Variants in CELSR3 observed in about 807,000 individuals in gnomAD.
The protein encoded by CELSR3 is cadherin EGF LAG seven-pass G-type receptor 3.
Under a neutral mutation model 270.0 loss-of-function variants are expected in CELSR3, and 73 were observed. The observed-to-expected ratio is 0.27, with a 90% CI of 0.22 to 0.33. The LOEUF (loss-of-function observed/expected upper bound fraction) is 0.33. CELSR3 is among the 10% of genes least tolerant of loss of function. The probability of loss-of-function intolerance (pLI) is 1.00; values close to 1 mark genes in which losing one functional copy is unlikely to be tolerated. For missense variants in CELSR3, 3,614 were observed against 4,533.8 expected, an observed-to-expected ratio of 0.80 and a Z score of 5.83; for synonymous variants, 1,780 against 1,905.4, an observed-to-expected ratio of 0.93 and a Z score of 1.71.
In CELSR3 at chr3:48,651,714, G is replaced by A; in HGVS notation, c.5928C>T (p.Tyr1976=). ...AGGCATCCACACAGCCTGGGCCGTA[G>A]TAACCTGCAGATTGGGTCAGAAAGC... is the stretch of plus-strand genomic sequence containing the variant. ...QTFSCTCQPG[Y]YGPGCVDACL... Residue 1976 remains tyrosine, a synonymous_variant, in exon 13 of 35, where the codon TAC becomes TAT. Transcript: ENST00000164024. The surrounding 1 kb of genome is among the most constrained non-coding windows in gnomAD (Gnocchi z 7.4). 2 of 1,544,734 alleles carry A rather than the reference G, an allele frequency of 1.3e-6. No individual in the cohort carries two copies. The highest frequency in any genetic ancestry group is 1.7e-6 in the Non-Finnish European group (2 of 1,149,376).
At chr3:48,648,545 G>C in intron 18 of CELSR3, 84 bp from the exon 19 acceptor site, 1 of 1,418,110 alleles carries the variant, frequency 7.1e-7, no homozygotes, top group Non-Finnish European at 9.4e-7. Flanking sequence ...GTCTGGACAG[G>C]TGCTCAGAGG....
rs573006186 is a variant in CELSR3 at position 48,655,513 on chromosome 3, G to C, written c.4742-119C>G. On this transcript the variant is annotated intron_variant, in intron 4 of 34. Coordinates refer to ENST00000164024, the MANE Select transcript of CELSR3 (RefSeq NM_001407.3). The surrounding 1 kb of genome is among the most constrained non-coding windows in gnomAD (Gnocchi z 5.8). ...ATGCATCAGATCAGTCCCCCCACTGGTGACCACAATGGCTGGCTCAGAGTG... is the reference window on the plus strand; with the variant it reads ...ATGCATCAGATCAGTCCCCCCACTGCTGACCACAATGGCTGGCTCAGAGTG... 1.9e-4 allele frequency: 205 copies of C among 1,055,972 alleles called. 2 individuals carry two copies. In the African/African-American group the frequency reaches 2.8e-3, roughly 14 times the overall value. The allele number at this position is 1,055,972 out of a possible 1,614,324, so 65.4% of individuals were successfully genotyped here. A position where few individuals can be genotyped will look rare whatever the true frequency, so the allele number is the denominator to read the frequency against.
Position 48,653,119 on chromosome 3 carries a change from G to A in CELSR3, c.5517C>T (p.Asp1839=), listed in dbSNP as rs765496565. 3.1e-6 allele frequency: 5 copies of A among 1,613,258 alleles called. No individual in the cohort carries two copies. In the South Asian group the frequency reaches 3.3e-5, roughly 11 times the overall value. ...GSGRASHLLL[D]QVTVSDGRWH... ...ACCGGCCATCACTGACAGTCACCTG[G>A]TCCAGAAGGAGATGGGAAGCACGGC... The change falls in exon 10 of 35, where the codon GAC becomes GAT. Residue 1839 remains aspartate (D), a synonymous_variant. Coordinates refer to ENST00000164024, the MANE Select transcript of CELSR3 (RefSeq NM_001407.3). This position sits in a 1 kb window ranked among gnomAD's most constrained non-coding sequence, Gnocchi z 6.5.
At chr3:48,648,238 G>GGCCCCCCCCACACC in intron 19 of CELSR3, 28 bp downstream of exon 19, 1 of 1,342,630 alleles carries the variant, frequency 7.4e-7, no homozygotes, top group Non-Finnish European at 1.1e-6. Context: ...CCCCTGCTGT[G>GGCCCCCCCCACACC]CCCCGCCCTA....
Position 48,642,535 on chromosome 3 carries a change from CTT to C in CELSR3, c.8556-70_8556-69del, listed in dbSNP as rs2047037447. Reference sequence around the variant, plus strand: ...TGGGGTGCCTTGGAGGCTGGAGTGTCTTTGAGTGCACAGCCAGCTGCGGGTGG... The same window carrying C: ...TGGGGTGCCTTGGAGGCTGGAGTGTCTGAGTGCACAGCCAGCTGCGGGTGG... On this transcript the variant is annotated intron_variant, in intron 30 of 34. Coordinates refer to ENST00000164024, the MANE Select transcript of CELSR3 (RefSeq NM_001407.3). The surrounding 1 kb of genome is among the most constrained non-coding windows in gnomAD (Gnocchi z 6.1). 2.6e-6 allele frequency: 4 copies of C among 1,526,258 alleles called. No homozygotes were observed. Among genetic ancestry groups the C allele is most frequent in the Admixed American group, 1.9e-5 (1 of 53,280 alleles). The allele number at this position is 1,526,258 out of a possible 1,614,324, so 94.5% of individuals were successfully genotyped here. A position where few individuals can be genotyped will look rare whatever the true frequency, so the allele number is the denominator to read the frequency against.
Position 48,654,569 on chromosome 3 carries a change from A to T in CELSR3, c.4989-117T>A. On this transcript the variant is annotated intron_variant, in intron 6 of 34. Coordinates refer to ENST00000164024, the MANE Select transcript of CELSR3 (RefSeq NM_001407.3). This position sits in a 1 kb window ranked among gnomAD's most constrained non-coding sequence, Gnocchi z 5.4. ...AGGGTAGGGTGATTGAGGGAGGAAAATAAGGCCGAGCTGTGGAAGGAGTTA... is the reference window on the plus strand; with the variant it reads ...AGGGTAGGGTGATTGAGGGAGGAAATTAAGGCCGAGCTGTGGAAGGAGTTA... 1.2e-6 allele frequency: 1 copy of T among 860,346 alleles called. No individual in the cohort carries two copies. Among genetic ancestry groups the T allele is most frequent in the Non-Finnish European group, 1.8e-6 (1 of 562,216 alleles). 53.3% of individuals were successfully genotyped at this position (860,346 alleles called of 1,614,324 possible).
chr3:48,652,126 G>C lies in CELSR3; in HGVS notation c.5752-78C>G. On this transcript the variant is annotated intron_variant, in intron 11 of 34. Coordinates refer to ENST00000164024, the MANE Select transcript of CELSR3 (RefSeq NM_001407.3). The surrounding 1 kb of genome is among the most constrained non-coding windows in gnomAD (Gnocchi z 4.3). Reference sequence around the variant, plus strand: ...CAAGTACTGCAGAGCCAGCCACCCGGTCTGATGATCCTTGACATGCAGTCT... The same window carrying C: ...CAAGTACTGCAGAGCCAGCCACCCGCTCTGATGATCCTTGACATGCAGTCT... The C allele has an allele frequency of 7.3e-7, 1 of 1,362,464 alleles. No homozygotes were observed. Among genetic ancestry groups the C allele is most frequent in the Non-Finnish European group, 9.7e-7 (1 of 1,028,216 alleles). 84.4% of individuals were successfully genotyped at this position (1,362,464 alleles called of 1,614,324 possible).
rs1335788631 is a variant in CELSR3, at chr3:48,642,267, G to C, written c.8665+91C>G. Reference sequence around the variant, plus strand: ...CCCTGGGGGAGATCGTCCCACCCCAGTCAGCCACTGCTCCCAGTATGGGGT... The same window carrying C: ...CCCTGGGGGAGATCGTCCCACCCCACTCAGCCACTGCTCCCAGTATGGGGT... On this transcript the variant is annotated intron_variant, in intron 31 of 34. Coordinates refer to ENST00000164024, the MANE Select transcript of CELSR3 (RefSeq NM_001407.3). This position sits in a 1 kb window ranked among gnomAD's most constrained non-coding sequence, Gnocchi z 6.1. 4 of 1,370,574 alleles carry C rather than the reference G, an allele frequency of 2.9e-6. No homozygotes were observed. The allele number at this position is 1,370,574 out of a possible 1,614,324, so 84.9% of individuals were successfully genotyped here.
Position 48,640,425 on chromosome 3 carries a change from C to G in CELSR3, c.9160G>C (p.Gly3054Arg), listed in dbSNP as rs150459522. Reference sequence around the variant, plus strand: ...GGCTGTGAAAGGCTGCCCGTGCCCCCGCCAGCATAGATGCGACCGTAAGAG... The same window carrying G: ...GGCTGTGAAAGGCTGCCCGTGCCCCGGCCAGCATAGATGCGACCGTAAGAG... ...AASYGRIYAG[G>R]GTGSLSQPAS... The change falls in exon 34 of 35, where the codon GGG becomes CGG. Residue 3054 changes from glycine to arginine, a missense_variant. Transcript: ENST00000164024. This position sits in a 1 kb window ranked among gnomAD's most constrained non-coding sequence, Gnocchi z 7.5. 4.8e-5 allele frequency: 77 copies of G among 1,612,630 alleles called. No homozygotes were observed. The South Asian group carries it at 6.9e-4, about 14-fold the overall frequency.
At chr3:48,656,533 T>C (rs1457585857) in intron 2 of CELSR3, among the ~76,000 whole-genome samples, 165 bp downstream of exon 2, 1 of 152,198 alleles carries the variant, frequency 6.6e-6, no homozygotes, top group East Asian at 1.9e-4. Flanking sequence ...GTCTCATCGC[T>C]GCCTCGGCGG....
rs547905986 is a variant in CELSR3, at chr3:48,645,917, G to A, written c.7464-49C>T. ...ACAACTGTGACCCAGTGTCAGGCAG[G>A]GGTTTGTGAGAGATCATGGGAAGGG... On this transcript the variant is annotated intron_variant, in intron 22 of 34. Coordinates refer to ENST00000164024, the MANE Select transcript of CELSR3 (RefSeq NM_001407.3). The surrounding 1 kb of genome is among the most constrained non-coding windows in gnomAD (Gnocchi z 5.4). The A allele has an allele frequency of 2.9e-5, 46 of 1,578,862 alleles. No homozygotes were observed. In the South Asian group the frequency reaches 5.0e-4, roughly 17 times the overall value.
chr3:48,649,019 C>T, intron 17 of CELSR3, 91 bp from the exon 18 acceptor site: 2 of 1,545,032 alleles, frequency 1.3e-6, no homozygotes, highest in Non-Finnish European at 1.8e-6. Flanking sequence ...TAAAGGGCAA[C>T]CAGGAAAGGC....
Position 48,649,779 on chromosome 3 carries a change from C to T in CELSR3, c.6473-564G>A, listed in dbSNP as rs185305532. 6.6e-5 allele frequency among the ~76,000 whole-genome samples: 10 copies of T among 152,184 alleles called. No individual in the cohort carries two copies. The East Asian group carries it at 1.4e-3, about 21-fold the overall frequency. ...GGATCTTAAAAAAGTTTGTAGCTAC[C>T]AACAAGAGAGAGCCTAACTTAATCA... On this transcript the variant is annotated intron_variant, in intron 16 of 34. Transcript: ENST00000164024.
In CELSR3 at chr3:48,650,764, C is replaced by A; in HGVS notation, c.6370+128G>T. 8.6e-7 allele frequency: 1 copy of A among 1,158,090 alleles called. No individual in the cohort carries two copies. The highest frequency in any genetic ancestry group is 1.5e-5 in the South Asian group (1 of 64,728). The allele number at this position is 1,158,090 out of a possible 1,614,324, so 71.7% of individuals were successfully genotyped here. A position where few individuals can be genotyped will look rare whatever the true frequency, so the allele number is the denominator to read the frequency against. On this transcript the variant is annotated intron_variant, in intron 15 of 34. Transcript: ENST00000164024. This position sits in a 1 kb window ranked among gnomAD's most constrained non-coding sequence, Gnocchi z 5.1. The stretch of plus-strand genomic sequence containing the variant: ...GTACTTGGGGCAAAGGTAGGGTTCC[C>A]TGGGTGTAAGTGGTCTCCCTCAGGA...
Position 48,656,324 on chromosome 3 carries a change from G to A in CELSR3, c.4441C>T (p.Pro1481Ser). ...ELDTEAGRCVPGVCRNGGTCT... is the reference protein window; with the variant it reads ...ELDTEAGRCVSGVCRNGGTCT... ...GTGCCCCCGTTGCGGCAGACGCCCG[G>A]CACGCAGCGGCCGGCCTCGGTGTCC... is the stretch of plus-strand genomic sequence containing the variant. The change falls in exon 3 of 35, where the codon CCG becomes TCG. Residue 1481 changes from proline (P) to serine (S), a missense_variant. This residue lies in a region of CELSR3 where 1,331 missense variants were observed against 1,933.7 expected (regional missense o/e 0.69). Transcript: ENST00000164024. The A allele has an allele frequency of 2.1e-6, 3 of 1,448,756 alleles. No homozygotes were observed. The highest frequency in any genetic ancestry group is 2.7e-6 in the Non-Finnish European group (3 of 1,114,726). The allele number at this position is 1,448,756 out of a possible 1,614,324, so 89.7% of individuals were successfully genotyped here. A position where few individuals can be genotyped will look rare whatever the true frequency, so the allele number is the denominator to read the frequency against.
chr3:48,645,888 A>G lies in CELSR3; in HGVS notation c.7464-20T>C, dbSNP rs2047078738. 1 of 1,589,106 alleles carries G rather than the reference A, an allele frequency of 6.3e-7. No homozygotes were observed. The highest frequency in any genetic ancestry group is 1.1e-5 in the South Asian group (1 of 90,478). ...TCCGCCCTGCAGCCACAGGGCAGTT[A>G]GACACAACTGTGACCCAGTGTCAGG... On this transcript the variant is annotated intron_variant, in intron 22 of 34. Transcript: ENST00000164024. This position sits in a 1 kb window ranked among gnomAD's most constrained non-coding sequence, Gnocchi z 5.4.
Position 48,659,725 on chromosome 3 carries a change from G to A in CELSR3, c.2910C>T (p.Val970=). 6.2e-7 allele frequency: 1 copy of A among 1,614,232 alleles called. No individual in the cohort carries two copies. The change falls in exon 1 of 35, where the codon GTC becomes GTT. Residue 970 remains valine (V), a synonymous_variant. Transcript: ENST00000164024. The surrounding 1 kb of genome is among the most constrained non-coding windows in gnomAD (Gnocchi z 8.1). ...TGGTGAAAGGTGGGGCATCCTCAGA[G>A]ACCAGCCCTGTATAGTGGGAGGCCA... ...QFVASHYTGL[V]SEDAPPFTSV...
Position 48,658,812 on chromosome 3 carries a change from T to C in CELSR3, c.3748+75A>G. On this transcript the variant is annotated intron_variant, in intron 1 of 34. Transcript: ENST00000164024. This position sits in a 1 kb window ranked among gnomAD's most constrained non-coding sequence, Gnocchi z 4.7. ...AAGGCTTAGAAATCCCTCTTTGGTT[T>C]GAGGTGCCCTGTGGAGTCCCTGAGG... 6.5e-7 allele frequency: 1 copy of C among 1,542,254 alleles called. No individual in the cohort carries two copies. The highest frequency in any genetic ancestry group is 8.8e-7 in the Non-Finnish European group (1 of 1,136,938).
chr3:48,650,820 G>A lies in CELSR3; in HGVS notation c.6370+72C>T. The A allele has an allele frequency of 6.7e-7, 1 of 1,500,570 alleles. No individual in the cohort carries two copies. The highest frequency in any genetic ancestry group is 9.1e-7 in the Non-Finnish European group (1 of 1,104,366). The allele number at this position is 1,500,570 out of a possible 1,614,324, so 93.0% of individuals were successfully genotyped here. ...TTCCAGAGTCCCCAAGGAGCCATGT[G>A]TGCCACTGACACGTGATGGTGGCAC... is the stretch of plus-strand genomic sequence containing the variant. On this transcript the variant is annotated intron_variant, in intron 15 of 34. Coordinates refer to ENST00000164024, the MANE Select transcript of CELSR3 (RefSeq NM_001407.3). The surrounding 1 kb of genome is among the most constrained non-coding windows in gnomAD (Gnocchi z 5.1).
Sources: allele counts gnomAD v4.1 joint callset (sites outside exome capture counted in the v4.1 genomes callset), GRCh38; gene constraint gnomAD v4.1.1; regional missense constraint gnomAD v4.1.1; non-coding constraint Gnocchi (gnomAD v3.1); transcripts MANE v1.5; gene names NCBI Gene and HGNC (gene_info 2026-07-23, HGNC 2026-07-21).